Variants in DIS3L2 observed in about 807,000 individuals in gnomAD.
DIS3L2 encodes the protein DIS3 like 3'-5' exoribonuclease 2.
Under a neutral mutation model 97.5 loss-of-function variants are expected in DIS3L2, and 34 were observed. The observed-to-expected ratio is 0.35, with a 90% CI of 0.27 to 0.46. The LOEUF (loss-of-function observed/expected upper bound fraction) is 0.46, where lower values mean the gene tolerates loss of function less well. DIS3L2 is among the 20% of genes least tolerant of loss of function. The probability of loss-of-function intolerance (pLI) is 1.00; values close to 1 mark genes in which losing one functional copy is unlikely to be tolerated. For missense variants in DIS3L2, 1,038 were observed against 1,146.0 expected, an observed-to-expected ratio of 0.91 and a Z score of 1.36; for synonymous variants, 435 against 445.2, an observed-to-expected ratio of 0.98 and a Z score of 0.29.
At chr2:232,169,975 A>G (rs1690938195) in intron 9 of DIS3L2, among the ~76,000 whole-genome samples, 1 of 152,200 alleles carries the variant, frequency 6.6e-6, no homozygotes, top group Non-Finnish European at 1.5e-5. Flanking sequence ...ATGAACTCCT[A>G]GGGGCGATAT....
intron 6 of DIS3L2, among the ~76,000 whole-genome samples, chr2:232,091,004 G>C (rs575671168): frequency 6.6e-6 from 1 of 152,298 alleles, no homozygotes; most frequent in East Asian, 1.9e-4. Context: ...GACTACACAG[G>C]TCTGCATTAT....
At chr2:232,242,089 C>T (rs1164710844) in intron 11 of DIS3L2, among the ~76,000 whole-genome samples, 2 of 152,166 alleles carry the variant, frequency 1.3e-5, no homozygotes, top group Non-Finnish European at 2.9e-5. Context: ...GTTTTGTTAA[C>T]GTCAAACTGT....
At chr2:232,094,154 G>C (rs1294578436) in intron 6 of DIS3L2, among the ~76,000 whole-genome samples, 1 of 151,884 alleles carries the variant, frequency 6.6e-6, no homozygotes, top group Non-Finnish European at 1.5e-5. Flanking sequence ...TTGATTTCTA[G>C]TTTTGTTCCA....
At chr2:232,332,393 C>T (rs1350259375) in intron 16 of DIS3L2, among the ~76,000 whole-genome samples, 1 of 152,208 alleles carries the variant, frequency 6.6e-6, no homozygotes, top group African/African-American at 2.4e-5. Context: ...AGCCGGCTGT[C>T]TGTCTGGCCA....
Position 232,336,988 on chromosome 2 carries a change from A to G in DIS3L2, c.*358A>G, listed in dbSNP as rs545003737. 5.5e-5 allele frequency: 61 copies of G among 1,116,672 alleles called. No homozygotes were observed. The East Asian group carries it at 1.5e-3, about 27-fold the overall frequency. The allele number at this position is 1,116,672 out of a possible 1,614,324, so 69.2% of individuals were successfully genotyped here. ...AAGTGTGGAGTGCCATCTGGTGTGTAGGGCGCCTCTGGGAAGCCTGGGCAG... is the reference window on the plus strand; with the variant it reads ...AAGTGTGGAGTGCCATCTGGTGTGTGGGGCGCCTCTGGGAAGCCTGGGCAG... On this transcript the variant is annotated 3_prime_UTR_variant, in exon 21 of 21. Coordinates refer to ENST00000325385, the MANE Select transcript of DIS3L2 (RefSeq NM_152383.5).
intron 1 of DIS3L2, among the ~76,000 whole-genome samples, chr2:231,993,220 A>G (rs1281268319): frequency 6.6e-6 from 1 of 152,096 alleles, no homozygotes; most frequent in African/African-American, 2.4e-5. Context: ...TATGTAAGCT[A>G]GAAAATATGA....
downstream of DIS3L2, among the ~76,000 whole-genome samples, chr2:232,340,353 A>C (rs1696078293): frequency 6.6e-6 from 1 of 152,050 alleles, no homozygotes; most frequent in South Asian, 2.1e-4. Context: ...AGCTCTGGGG[A>C]CCTCTGGGCT....
At chr2:232,185,978 G>C (rs1030746502) in intron 9 of DIS3L2, among the ~76,000 whole-genome samples, 1 of 152,056 alleles carries the variant, frequency 6.6e-6, no homozygotes, top group Non-Finnish European at 1.5e-5. Flanking sequence ...CAAAAAGCTG[G>C]TTCTTTTTTT....
At chr2:232,105,695 CTT>C (rs1475215235) in intron 6 of DIS3L2, among the ~76,000 whole-genome samples, 1 of 152,188 alleles carries the variant, frequency 6.6e-6, no homozygotes, top group Non-Finnish European at 1.5e-5. Context: ...CTTGCTAACA[CTT>C]TTAGCACAAA....
At chr2:232,340,658 C>T (rs1575032841), downstream of DIS3L2, 2 of 468,088 alleles carry the variant, frequency 4.3e-6, no homozygotes, top group Admixed American at 2.3e-5. Context: ...GATGGGAAGA[C>T]TCCATCCAAT....
chr2:232,272,787 G>A (rs1282068009), intron 13 of DIS3L2, among the ~76,000 whole-genome samples: 1 of 152,200 alleles, frequency 6.6e-6, no homozygotes, highest in Non-Finnish European at 1.5e-5. Flanking sequence ...ACTGGGGATG[G>A]CCCTTGTGCG....
intron 16 of DIS3L2, among the ~76,000 whole-genome samples, chr2:232,333,200 T>TCCTCCTCCTCCGCTGTCGCCG (rs1695811961): frequency 1.5e-5 from 1 of 66,744 alleles, no homozygotes; most frequent in Admixed American, 1.5e-4. Flanking sequence ...CTCCTCCTCC[T>TCCTCCTCCTCCGCTGTCGCCG]CCTCCTCCTC....
intron 9 of DIS3L2, among the ~76,000 whole-genome samples, chr2:232,183,718 C>T (rs572855381): frequency 8.5e-5 from 13 of 152,188 alleles, no homozygotes; most frequent in Non-Finnish European, 1.8e-4. Flanking sequence ...CAGATAGCTG[C>T]CATGTTAAAT....
chr2:232,254,933 G>C (rs186117329), intron 12 of DIS3L2, among the ~76,000 whole-genome samples: 1 of 152,190 alleles, frequency 6.6e-6, no homozygotes, highest in African/African-American at 2.4e-5. Flanking sequence ...TCCTTGTACT[G>C]TTGGTTATCC....
At chr2:232,146,563 T>C (rs1294654642) in intron 8 of DIS3L2, among the ~76,000 whole-genome samples, 1 of 152,212 alleles carries the variant, frequency 6.6e-6, no homozygotes, top group Non-Finnish European at 1.5e-5. Context: ...GTTGTGAAGA[T>C]GGCTGCCAGT....
rs567189616 is a variant in DIS3L2, at chr2:232,292,975, T to C, written c.1660-7065T>C. Among the ~76,000 whole-genome samples, 2 of 152,260 alleles carry C rather than the reference T, an allele frequency of 1.3e-5. No individual in the cohort carries two copies. Among genetic ancestry groups the C allele is most frequent in the African/African-American group, 4.8e-5 (2 of 41,556 alleles). ...TAGTGGTGAGCTCTCCTGCTTGACATGGCAGCTGCCTCTGGAGAGAGAAAG... is the reference window on the plus strand; with the variant it reads ...TAGTGGTGAGCTCTCCTGCTTGACACGGCAGCTGCCTCTGGAGAGAGAAAG... On this transcript the variant is annotated intron_variant, in intron 13 of 20. Transcript: ENST00000325385. The surrounding 1 kb of genome is among the most constrained non-coding windows in gnomAD (Gnocchi z 4.4).
At position 232,333,823 on chromosome 2, in the gene DIS3L2, C is replaced by T; in HGVS notation, c.2011-17C>T. 6.2e-7 allele frequency: 1 copy of T among 1,602,428 alleles called. No individual in the cohort carries two copies. Among genetic ancestry groups the T allele is most frequent in the Middle Eastern group, 1.7e-4 (1 of 6,006 alleles). ...CAGCTCTGGGCTTGTCAGGCTCTGACCCATCCCGTCCCGCAGATGGCACTG... is the reference window on the plus strand; with the variant it reads ...CAGCTCTGGGCTTGTCAGGCTCTGATCCATCCCGTCCCGCAGATGGCACTG... On this transcript the variant is annotated splice_polypyrimidine_tract_variant and intron_variant, in intron 16 of 20. Coordinates refer to ENST00000325385, the MANE Select transcript of DIS3L2 (RefSeq NM_152383.5).
rs746573965 is a variant in DIS3L2, at chr2:232,136,529, T to A, written c.760T>A (p.Leu254Met). The change falls in exon 8 of 21, where the codon TTG (leucine) becomes ATG (methionine). Residue 254 changes from leucine (L) to methionine (M), a missense_variant. By Grantham distance (15) the Leu-to-Met change is conservative (BLOSUM62 2). This residue lies in a region of DIS3L2 where 813 missense variants were observed against 880.1 expected (regional missense o/e 0.92). Transcript: ENST00000325385. ...AGCAGCAACCGGCTTCCTCAAACTC[T>A]TGGCTGATAAGAACAGCGAACTGTT... The part of the protein sequence containing the change: ...SRAATGFLKL[L>M]ADKNSELFRK... 2 of 1,614,116 alleles carry A rather than the reference T, an allele frequency of 1.2e-6. No individual in the cohort carries two copies. Among genetic ancestry groups the A allele is most frequent in the Admixed American group, 3.3e-5 (2 of 60,024 alleles).
At chr2:232,294,211 T>C (rs547387967) in intron 13 of DIS3L2, among the ~76,000 whole-genome samples, 1 of 152,348 alleles carries the variant, frequency 6.6e-6, no homozygotes, top group East Asian at 1.9e-4. Flanking sequence ...TGCCATGCCC[T>C]GATTGGCTTA....
Sources: gnomAD v4.1 joint callset for allele counts (sites outside exome capture counted in the v4.1 genomes callset) on GRCh38, gnomAD v4.1.1 for gene constraint, gnomAD v4.1.1 regional missense constraint, Gnocchi (gnomAD v3.1) non-coding constraint, MANE v1.5 for transcripts, NCBI Gene and HGNC (gene_info 2026-07-23, HGNC 2026-07-21) for gene names.